ABR: variants seen among roughly 807,000 people sequenced by gnomAD.
The protein encoded by ABR is ABR activator of RhoGEF and GTPase.
ABR carries 35 observed loss-of-function variants against 107.2 expected under a neutral mutation model. The observed-to-expected ratio is 0.33, with a 90% CI of 0.25 to 0.43. The LOEUF (loss-of-function observed/expected upper bound fraction) is 0.43. Ranked by LOEUF, ABR falls within the 20% of genes least tolerant of loss-of-function variation. The probability of loss-of-function intolerance (pLI) is 1.00; values close to 1 mark genes in which losing one functional copy is unlikely to be tolerated. For missense variants in ABR, 815 were observed against 1,115.2 expected, an observed-to-expected ratio of 0.73 and a Z score of 3.83; for synonymous variants, 498 against 462.0, an observed-to-expected ratio of 1.08 and a Z score of -1.00.
upstream of ABR, among the ~76,000 whole-genome samples, chr17:1,181,500 GC>G (rs1405036697): frequency 1.3e-5 from 2 of 152,138 alleles, no homozygotes; most frequent in African/African-American, 4.8e-5. Flanking sequence ...GCTGTCTCTT[GC>G]CGCCCCTCCC....
chr17:1,049,991 TTC>T (rs2032270233), intron 16 of ABR, 57 bp downstream of exon 16: 1 of 1,561,572 alleles, frequency 6.4e-7, no homozygotes, highest in South Asian at 1.2e-5. Context: ...AGAATTCCTT[TTC>T]AACTGGAACC....
chr17:1,022,894 A>C (rs889767615), intron 16 of ABR, among the ~76,000 whole-genome samples: 8 of 152,262 alleles, frequency 5.3e-5, no homozygotes, highest in African/African-American at 1.9e-4. Flanking sequence ...GAAGGGGATT[A>C]GCAGCTCTGA....
At chr17:1,173,094 A>ACC (rs2041788951) in intron 1 of ABR, among the ~76,000 whole-genome samples, 1 of 26,484 alleles carries the variant, frequency 3.8e-5, no homozygotes, top group Admixed American at 5.8e-4. Flanking sequence ...CCCCCCCATC[A>ACC]TCTCAGCCCA....
intron 5 of ABR, among the ~76,000 whole-genome samples, chr17:1,082,554 G>A (rs570258243): frequency 3.9e-5 from 6 of 152,260 alleles, no homozygotes; most frequent in African/African-American, 9.6e-5. Context: ...GCAGAAGCAC[G>A]CGTGTTCCCG....
At chr17:1,122,838 G>A (rs910816390) in intron 2 of ABR, among the ~76,000 whole-genome samples, 28 of 152,200 alleles carry the variant, frequency 1.8e-4, no homozygotes, top group Admixed American at 5.2e-4. Flanking sequence ...TCAACCTTGG[G>A]CTTCCCGTTG....
rs1375810390 is a variant in ABR, at chr17:1,071,923, A to C, written c.894+691T>G. ...CACTGGATTGTTATTATTATTTCTG[A>C]GATGGAGTCTCACTCTGTCACCCAG... On this transcript the variant is annotated intron_variant, in intron 8 of 22. Transcript: ENST00000302538. The surrounding 1 kb of genome is among the most constrained non-coding windows in gnomAD (Gnocchi z 5.1). Among the ~76,000 whole-genome samples the C allele has an allele frequency of 6.6e-6, 1 of 152,146 alleles. No individual in the cohort carries two copies. Among genetic ancestry groups the C allele is most frequent in the Non-Finnish European group, 1.5e-5 (1 of 68,020 alleles).
intron 11 of ABR, among the ~76,000 whole-genome samples, chr17:1,058,403 G>A (rs573388423): frequency 6.6e-6 from 1 of 152,252 alleles, no homozygotes; most frequent in Non-Finnish European, 1.5e-5. Flanking sequence ...GCCTCCCAAA[G>A]TGCTGGGATG....
chr17:1,176,071 T>C (rs2041908909), intron 1 of ABR, among the ~76,000 whole-genome samples: 1 of 150,934 alleles, frequency 6.6e-6, no homozygotes, highest in African/African-American at 2.4e-5. Flanking sequence ...AGCTCCAGCC[T>C]GGGTGAAAGA....
At chr17:1,080,354 C>T (rs1421780818) in intron 5 of ABR, among the ~76,000 whole-genome samples, 8 of 152,178 alleles carry the variant, frequency 5.3e-5, no homozygotes, top group Admixed American at 4.6e-4. Flanking sequence ...GAAAGACCCC[C>T]GGGATGACTC....
At chr17:1,125,491 GCC>G in intron 1 of ABR, 124 bp from the exon 2 acceptor site, 2 of 1,087,042 alleles carry the variant, frequency 1.8e-6, no homozygotes, top group Non-Finnish European at 2.6e-6. Context: ...TCCACGCCTG[GCC>G]CGGGCGGGGG....
chr17:1,075,649 AT>A (rs554032537), intron 6 of ABR, among the ~76,000 whole-genome samples: 144 of 152,356 alleles, frequency 9.5e-4, no homozygotes, highest in African/African-American at 2.9e-3. Context: ...GGCCATCAGC[AT>A]TTCTATAAAG....
Position 1,010,629 on chromosome 17 carries a change from A to G in ABR, c.2236+100T>C, listed in dbSNP as rs2070451913. The stretch of plus-strand genomic sequence containing the variant: ...CAGTGCACTGGGAAGGTCAGCCAGC[A>G]AAGGAAGCCACAGATATTTCTCCTG... On this transcript the variant is annotated intron_variant, in intron 20 of 22. Transcript: ENST00000302538. The surrounding 1 kb of genome is among the most constrained non-coding windows in gnomAD (Gnocchi z 4.1). 2 of 1,516,040 alleles carry G rather than the reference A, an allele frequency of 1.3e-6. No homozygotes were observed. The highest frequency in any genetic ancestry group is 2.5e-5 in the South Asian group (2 of 81,176). The allele number at this position is 1,516,040 out of a possible 1,614,324, so 93.9% of individuals were successfully genotyped here.
At position 1,004,865 on chromosome 17, in the gene ABR, G is replaced by C. The variant is rs1050995091; in HGVS notation, c.*1215C>G. 1 of 396,148 alleles carries C rather than the reference G, an allele frequency of 2.5e-6. No homozygotes were observed. Among genetic ancestry groups the C allele is most frequent in the East Asian group, 3.6e-5 (1 of 28,010 alleles). The allele number at this position is 396,148 out of a possible 1,614,324, so 24.5% of individuals were successfully genotyped here. On this transcript the variant is annotated 3_prime_UTR_variant, in exon 23 of 23. Transcript: ENST00000302538. ...GTGGGCCTGTGCCTTTGCTTCCCAG[G>C]TCCTGGAGGACCGTGGCAGTGCTTG...
intron 6 of ABR, 97 bp from the exon 7 acceptor site, chr17:1,073,774 C>T: frequency 1.8e-6 from 2 of 1,092,860 alleles, no homozygotes; most frequent in Non-Finnish European, 1.3e-6. Context: ...GCATGCTTCC[C>T]ACGTGAACAC....
intron 16 of ABR, among the ~76,000 whole-genome samples, chr17:1,044,600 A>G (rs733789): frequency 0.74 from 111,288 of 150,534 alleles, 41,930 homozygotes; most frequent in South Asian, 0.89. Flanking sequence ...GCAGTGAGCC[A>G]AGATTGCGCC....
At chr17:1,225,294 G>A (rs966880329) in intron 1 of ABR, among the ~76,000 whole-genome samples, 1 of 152,080 alleles carries the variant, frequency 6.6e-6, no homozygotes, top group African/African-American at 2.4e-5. Flanking sequence ...CATTGTACCA[G>A]CCACATGCAC....
chr17:1,055,553 A>C (rs1195170028), intron 14 of ABR: 1 of 146,846 alleles, frequency 6.8e-6, no homozygotes, highest in Non-Finnish European at 1.5e-5. Context: ...TTTGAGACGG[A>C]TTCTCGCTCT....
At chr17:1,135,038 CT>C (rs1272721764) in intron 1 of ABR, among the ~76,000 whole-genome samples, 1 of 152,226 alleles carries the variant, frequency 6.6e-6, no homozygotes, top group Non-Finnish European at 1.5e-5. Flanking sequence ...TTAATTGGAT[CT>C]TGAAAGCTGT....
intron 22 of ABR, among the ~76,000 whole-genome samples, chr17:1,006,536 G>A (rs552387182): frequency 2.0e-4 from 30 of 152,208 alleles, no homozygotes; most frequent in Non-Finnish European, 4.1e-4. Context: ...TGCTTTCTGA[G>A]ACTGAGGCCC....
Sources: gnomAD v4.1 joint callset for allele counts (sites outside exome capture counted in the v4.1 genomes callset) on GRCh38, gnomAD v4.1.1 for gene constraint, Gnocchi (gnomAD v3.1) non-coding constraint, MANE v1.5 for transcripts, NCBI Gene and HGNC (gene_info 2026-07-23, HGNC 2026-07-21) for gene names.